The following EXOC2 variants were observed in gnomAD, a reference collection of about 807,000 sequenced individuals.
EXOC2 encodes exocyst complex component 2.
In EXOC2, 70 loss-of-function variants were observed where a neutral mutation model predicts 131.8. The ratio of observed to expected loss-of-function variants is 0.53; its 90% CI spans 0.44 to 0.65. EXOC2 has a LOEUF of 0.65. Among genes scored for constraint, EXOC2 ranks in the 30% least tolerant of loss-of-function variants. The pLI is 0.00. For missense variants in EXOC2, 923 were observed against 1,108.6 expected, an observed-to-expected ratio of 0.83 and a Z score of 2.38; for synonymous variants, 411 against 398.4, an observed-to-expected ratio of 1.03 and a Z score of -0.38.
At chr6:502,873 T>C (rs919902949) in intron 23 of EXOC2, among the ~76,000 whole-genome samples, 1 of 152,168 alleles carries the variant, frequency 6.6e-6, no homozygotes, top group South Asian at 2.1e-4. Context: ...TACAAATAAC[T>C]GGTAATGTTG....
chr6:531,150 T>A (rs186391037), intron 23 of EXOC2, among the ~76,000 whole-genome samples: 1 of 152,134 alleles, frequency 6.6e-6, no homozygotes, highest in Non-Finnish European at 1.5e-5. Flanking sequence ...ATCCAATTTA[T>A]ATTTTAGAAG....
chr6:514,130 G>C (rs1015177131), intron 23 of EXOC2, among the ~76,000 whole-genome samples: 1 of 152,200 alleles, frequency 6.6e-6, no homozygotes, highest in South Asian at 2.1e-4. Flanking sequence ...GTAAAAGAAA[G>C]GGGTGTGATA....
intron 21 of EXOC2, among the ~76,000 whole-genome samples, chr6:550,411 AT>A (rs1757082021): frequency 6.6e-6 from 1 of 152,126 alleles, no homozygotes; most frequent in Admixed American, 6.5e-5. Context: ...AGATTCTTTT[AT>A]TTTGAATGTT....
chr6:678,765 A>T (rs1482934351), intron 1 of EXOC2, among the ~76,000 whole-genome samples: 1 of 152,198 alleles, frequency 6.6e-6, no homozygotes, highest in African/African-American at 2.4e-5. Flanking sequence ...ACGGTGGGAA[A>T]ATTCCAAACA....
At chr6:572,989 C>T (rs1347681080) in intron 12 of EXOC2, among the ~76,000 whole-genome samples, 5 of 152,172 alleles carry the variant, frequency 3.3e-5, no homozygotes, top group African/African-American at 9.7e-5. Flanking sequence ...GGATAGTAAA[C>T]GTCTCTTCAA....
chr6:567,723 G>A (rs891054838), intron 13 of EXOC2, among the ~76,000 whole-genome samples: 1 of 152,144 alleles, frequency 6.6e-6, no homozygotes, highest in African/African-American at 2.4e-5. Context: ...TATTACGTGT[G>A]CATGCATGCA....
intron 3 of EXOC2, among the ~76,000 whole-genome samples, chr6:630,315 T>C (rs1360225305): frequency 6.6e-6 from 1 of 152,224 alleles, no homozygotes; most frequent in Non-Finnish European, 1.5e-5. Flanking sequence ...TGATTAAATC[T>C]GCACAAAAAA....
At chr6:652,052 T>C (rs779626616) in intron 1 of EXOC2, among the ~76,000 whole-genome samples, 3 of 139,182 alleles carry the variant, frequency 2.2e-5, no homozygotes, top group Non-Finnish European at 4.6e-5. Context: ...TGAGATTCCA[T>C]CTCAAAAAAA....
intron 1 of EXOC2, among the ~76,000 whole-genome samples, chr6:654,921 C>CT (rs1763002754): frequency 7.1e-6 from 1 of 141,816 alleles, no homozygotes; most frequent in Non-Finnish European, 1.5e-5. Context: ...AAGAAAGTGA[C>CT]TTTTTTGAGA....
In EXOC2 at chr6:572,607, A is replaced by C; in HGVS notation, c.1356T>G (p.Val452=). The change falls in exon 13 of 28, where the codon GTT becomes GTG. Residue 452 remains valine (V), a synonymous_variant. Transcript: ENST00000230449. ...TCAAGACGAGTTTTGTCAATTTTTCAACAAAGGCCACCCTGTGGGGAGTTT... is the reference window on the plus strand; with the variant it reads ...TCAAGACGAGTTTTGTCAATTTTTCCACAAAGGCCACCCTGTGGGGAGTTT... The part of the protein sequence containing the change: ...RYKTPHRVAF[V]EKLTKLVLSQ... 6.2e-7 allele frequency: 1 copy of C among 1,614,164 alleles called. No homozygotes were observed.
intron 13 of EXOC2, among the ~76,000 whole-genome samples, chr6:568,216 T>C (rs1302115277): frequency 1.3e-5 from 2 of 152,224 alleles, no homozygotes. Flanking sequence ...CAATGCACTG[T>C]GCACGGCAGA....
intron 2 of EXOC2, among the ~76,000 whole-genome samples, chr6:633,921 ATAC>A (rs1761977626): frequency 6.6e-6 from 1 of 152,238 alleles, no homozygotes; most frequent in African/African-American, 2.4e-5. Flanking sequence ...CTCAGGGGGA[ATAC>A]CAGCATGGCA....
At chr6:660,511 G>A (rs1209901316) in intron 1 of EXOC2, among the ~76,000 whole-genome samples, 2 of 152,228 alleles carry the variant, frequency 1.3e-5, no homozygotes, top group Non-Finnish European at 2.9e-5. Flanking sequence ...CCAGCACAGA[G>A]CTGGGTAGAC....
chr6:664,089 C>T (rs1418481340), intron 1 of EXOC2, among the ~76,000 whole-genome samples: 2 of 152,208 alleles, frequency 1.3e-5, no homozygotes, highest in South Asian at 2.1e-4. Flanking sequence ...GCAAAGTTTC[C>T]AGATACAAGA....
At chr6:690,764 CAAT>C (rs1490960706) in intron 1 of EXOC2, among the ~76,000 whole-genome samples, 4 of 152,142 alleles carry the variant, frequency 2.6e-5, no homozygotes, top group Admixed American at 6.5e-5. Context: ...GTATTCATAT[CAAT>C]AATAATTTTT....
intron 22 of EXOC2, among the ~76,000 whole-genome samples, chr6:534,384 C>T (rs1766301866): frequency 6.6e-6 from 1 of 151,938 alleles, no homozygotes; most frequent in African/African-American, 2.4e-5. Context: ...TAGGCAACTA[C>T]TGTTAAAGTT....
intron 13 of EXOC2, among the ~76,000 whole-genome samples, chr6:570,484 T>C (rs1013807123): frequency 1.3e-5 from 2 of 152,200 alleles, no homozygotes; most frequent in African/African-American, 2.4e-5. Flanking sequence ...TTGACATTAT[T>C]CAATTCTACT....
chr6:654,867 A>G (rs1762999826), intron 1 of EXOC2, among the ~76,000 whole-genome samples: 1 of 147,812 alleles, frequency 6.8e-6, no homozygotes, highest in African/African-American at 2.5e-5. Flanking sequence ...CTACACTCTT[A>G]AGATAAAACA....
intron 1 of EXOC2, among the ~76,000 whole-genome samples, chr6:654,757 T>C (rs1225834943): frequency 8.1e-6 from 1 of 124,118 alleles, no homozygotes; most frequent in Non-Finnish European, 1.6e-5. Context: ...TGAGCCATGA[T>C]TGTACCACTG....
Sources: gnomAD v4.1 joint callset for allele counts (sites outside exome capture counted in the v4.1 genomes callset) on GRCh38, gnomAD v4.1.1 for gene constraint, MANE v1.5 for transcripts, NCBI Gene and HGNC (gene_info 2026-07-23, HGNC 2026-07-21) for gene names.